The following PDSS2 variants were observed in gnomAD, a reference collection of about 807,000 sequenced individuals.
PDSS2 encodes the protein all trans-polyprenyl-diphosphate synthase PDSS2.
In PDSS2, 31 loss-of-function variants were observed where a neutral mutation model predicts 44.5. The ratio of observed to expected loss-of-function variants is 0.70; its 90% CI spans 0.52 to 0.94. The LOEUF is 0.94. Ranked by LOEUF, PDSS2 falls within the 40% of genes least tolerant of loss-of-function variation. The pLI is 0.00. For synonymous variants in PDSS2, 157 were observed against 180.3 expected (o/e 0.87, Z 1.03); for missense variants, 452 against 482.2 (o/e 0.94, Z 0.59).
intron 3 of PDSS2, among the ~76,000 whole-genome samples, chr6:107,272,177 A>C (rs887633343): frequency 7.9e-5 from 12 of 152,234 alleles, no homozygotes; most frequent in African/African-American, 2.9e-4. Context: ...AAAAACAAAA[A>C]CAGAGGCTGG....
intron 1 of PDSS2, among the ~76,000 whole-genome samples, chr6:107,400,930 T>C (rs144265828): frequency 6.6e-6 from 1 of 152,156 alleles, no homozygotes; most frequent in Non-Finnish European, 1.5e-5. Context: ...CACTGTGCAA[T>C]TGTGTCAGCA....
chr6:107,434,514 C>T (rs144449738), intron 1 of PDSS2, among the ~76,000 whole-genome samples: 53 of 152,304 alleles, frequency 3.5e-4, no homozygotes, highest in African/African-American at 1.3e-3. Context: ...AGACAAACTT[C>T]ACATATTCTT....
intron 7 of PDSS2, among the ~76,000 whole-genome samples, chr6:107,177,076 CTT>C (rs67414057): frequency 7.4e-6 from 1 of 134,286 alleles, no homozygotes; most frequent in East Asian, 2.1e-4. Flanking sequence ...CGAAGTAATT[CTT>C]TTTTTTTTTT....
chr6:107,419,960 T>C (rs1407772752), intron 1 of PDSS2, among the ~76,000 whole-genome samples: 1 of 152,198 alleles, frequency 6.6e-6, no homozygotes, highest in Non-Finnish European at 1.5e-5. Context: ...GCACACAAAG[T>C]GTTGGTATTA....
At chr6:107,282,109 T>C (rs1218247137) in intron 2 of PDSS2, among the ~76,000 whole-genome samples, 2 of 152,178 alleles carry the variant, frequency 1.3e-5, no homozygotes, top group African/African-American at 4.8e-5. Flanking sequence ...TTTCGCCATG[T>C]TGGCCAGGCT....
chr6:107,179,069 C>T (rs953921113), intron 7 of PDSS2, among the ~76,000 whole-genome samples: 5 of 152,160 alleles, frequency 3.3e-5, no homozygotes, highest in African/African-American at 9.7e-5. Context: ...CATACAATGG[C>T]ATGCATCTTA....
chr6:107,264,390 T>C (rs1775345096), intron 3 of PDSS2: 3 of 1,547,196 alleles, frequency 1.9e-6, no homozygotes, highest in Non-Finnish European at 2.6e-6. Flanking sequence ...AAATCACTAA[T>C]GCTTAATAGA....
rs72234028 is a variant in PDSS2, at chr6:107,261,582, T to TC, written c.630+12446_630+12447insG. ...TCTCAGGTATTTCTTTTCTTTCTTT[T>TC]TTTTTTTTTTTTTTGAGATGGAGTT... On this transcript the variant is annotated intron_variant, in intron 3 of 7. Transcript: ENST00000369037. Among the ~76,000 whole-genome samples the TC allele has an allele frequency of 7.8e-5, 7 of 89,880 alleles. No homozygotes were observed. The East Asian group carries it at 8.0e-4, about 10-fold the overall frequency. The allele number at this position is 89,880 out of a possible 152,430, so 59.0% of individuals were successfully genotyped here.
intron 1 of PDSS2, among the ~76,000 whole-genome samples, chr6:107,337,919 T>G (rs576411227): frequency 1.3e-5 from 2 of 152,298 alleles, no homozygotes; most frequent in Admixed American, 1.3e-4. Flanking sequence ...TGTAATGAAC[T>G]GGGTGACAAA....
intron 2 of PDSS2, among the ~76,000 whole-genome samples, chr6:107,313,742 G>A (rs1478324396): frequency 6.6e-6 from 1 of 152,030 alleles, no homozygotes; most frequent in African/African-American, 2.4e-5. Context: ...CATATTTTGT[G>A]GGCTTTTAAT....
chr6:107,356,642 A>T (rs1415405663), intron 1 of PDSS2, among the ~76,000 whole-genome samples: 2 of 152,222 alleles, frequency 1.3e-5, no homozygotes, highest in Non-Finnish European at 2.9e-5. Context: ...TTCTTTATCT[A>T]TATGGTTTTC....
Position 107,369,500 on chromosome 6 carries a change from TAAATC to T in PDSS2, c.297-35173_297-35169del, listed in dbSNP as rs548350180. 2.5e-3 allele frequency among the ~76,000 whole-genome samples: 387 copies of T among 152,208 alleles called. 1 individual carries two copies. Among genetic ancestry groups the T allele is most frequent in the African/African-American group, 9.0e-3 (372 of 41,532 alleles). On this transcript the variant is annotated intron_variant, in intron 1 of 7. Coordinates refer to ENST00000369037, the MANE Select transcript of PDSS2 (RefSeq NM_020381.4). ...TCTCACATCATATAAAAAATTAACTTAAATCAATCATAGTCCTTAGAGCTGAAATT... is the reference window on the plus strand; with the variant it reads ...TCTCACATCATATAAAAAATTAACTTAATCATAGTCCTTAGAGCTGAAATT...
At position 107,372,067 on chromosome 6, in the gene PDSS2, T is replaced by C. The variant is rs56712630; in HGVS notation, c.297-37735A>G. On this transcript the variant is annotated intron_variant, in intron 1 of 7. Coordinates refer to ENST00000369037, the MANE Select transcript of PDSS2 (RefSeq NM_020381.4). ...TAACCATTTTACACAATAGAGATTT[T>C]AGGCTTTTAAAAGATTCAATTAAGG... Among the ~76,000 whole-genome samples, 989 of 152,330 alleles carry C rather than the reference T, an allele frequency of 6.5e-3. 14 individuals are homozygous for C. The highest frequency in any genetic ancestry group is 0.023 in the African/African-American group (952 of 41,584).
intron 3 of PDSS2, among the ~76,000 whole-genome samples, chr6:107,271,701 G>A (rs890422779): frequency 6.6e-6 from 1 of 152,148 alleles, no homozygotes; most frequent in African/African-American, 2.4e-5. Flanking sequence ...AGTGTTAGTT[G>A]TGTCTGAAAG....
At chr6:107,329,828 T>C (rs1487210244) in intron 2 of PDSS2, among the ~76,000 whole-genome samples, 21 of 152,046 alleles carry the variant, frequency 1.4e-4, no homozygotes, top group Non-Finnish European at 2.9e-5. Context: ...GGTACTTCTA[T>C]ACCCCACGTC....
At position 107,330,471 on chromosome 6, in the gene PDSS2, C is replaced by G. The variant is rs149568031; in HGVS notation, c.431+3727G>C. ...TCAGTCTGTGGTCTGCTTTTAACTA[C>G]TAGTTAGAAGAGAAGATTGAGTCAG... On this transcript the variant is annotated intron_variant, in intron 2 of 7. Transcript: ENST00000369037. Among the ~76,000 whole-genome samples, 480 of 152,176 alleles carry G rather than the reference C, an allele frequency of 3.2e-3. 4 individuals are homozygous for G. Among genetic ancestry groups the G allele is most frequent in the African/African-American group, 0.011 (461 of 41,498 alleles).
intron 1 of PDSS2, among the ~76,000 whole-genome samples, chr6:107,390,561 A>G (rs1779748644): frequency 6.6e-6 from 1 of 152,148 alleles, no homozygotes; most frequent in African/African-American, 2.4e-5. Context: ...GAAAAAGGTC[A>G]TTAGTGGAAA....
At chr6:107,188,478 A>G (rs944573868) in intron 7 of PDSS2, among the ~76,000 whole-genome samples, 25 of 152,190 alleles carry the variant, frequency 1.6e-4, no homozygotes, top group African/African-American at 5.8e-4. Context: ...CAGATTTAGA[A>G]TGGGCCTAGG....
intron 1 of PDSS2, among the ~76,000 whole-genome samples, chr6:107,455,499 TAATTCC>T (rs1444508746): frequency 6.6e-6 from 1 of 151,960 alleles, no homozygotes; most frequent in African/African-American, 2.4e-5. Flanking sequence ...CTCATGCCTG[TAATTCC>T]AATACGTTGG....
Sources: allele counts gnomAD v4.1 joint callset (sites outside exome capture counted in the v4.1 genomes callset), GRCh38; gene constraint gnomAD v4.1.1; transcripts MANE v1.5; gene names NCBI Gene and HGNC (gene_info 2026-07-23, HGNC 2026-07-21).